The following ARHGEF9 variants were observed in gnomAD, a reference collection of about 807,000 sequenced individuals.
The protein encoded by ARHGEF9 is Cdc42 guanine nucleotide exchange factor 9.
In ARHGEF9, 2 loss-of-function variants were observed where a neutral mutation model predicts 41.3. The observed-to-expected ratio is 0.05, with a 90% CI of 0.02 to 0.15. The LOEUF (loss-of-function observed/expected upper bound fraction) is 0.15, where lower values mean the gene tolerates loss of function less well. Among genes scored for constraint, ARHGEF9 ranks in the 10% least tolerant of loss-of-function variants. The probability of loss-of-function intolerance (pLI) is 1.00; values close to 1 mark genes in which losing one functional copy is unlikely to be tolerated. For synonymous variants in ARHGEF9, 160 were observed against 154.4 expected, an observed-to-expected ratio of 1.04 and a Z score of -0.27; for missense variants, 225 against 424.7, an observed-to-expected ratio of 0.53 and a Z score of 4.13.
At chrX:63,649,629 C>T (rs1487974648) in intron 8 of ARHGEF9, among the ~76,000 whole-genome samples, 2 of 110,927 alleles carry the variant, frequency 1.8e-5, no homozygotes, top group Non-Finnish European at 3.8e-5. Flanking sequence ...AAAAACCCTT[C>T]AAAAAATCAA....
At chrX:63,783,615 C>T (rs1442842856) in intron 1 of ARHGEF9, among the ~76,000 whole-genome samples, 2 of 111,613 alleles carry the variant, frequency 1.8e-5, no homozygotes, top group Non-Finnish European at 3.8e-5. Context: ...AAGATCATGA[C>T]TATGTTCCTT....
intron 1 of ARHGEF9, among the ~76,000 whole-genome samples, chrX:63,738,562 C>T (rs1224055239): frequency 7.2e-5 from 8 of 110,615 alleles, no homozygotes; most frequent in African/African-American, 2.6e-4. Flanking sequence ...TCCTGAAGCA[C>T]CGCATTCCCC....
chrX:63,784,641 G>A (rs2056432187), intron 1 of ARHGEF9, among the ~76,000 whole-genome samples: 2 of 111,762 alleles, frequency 1.8e-5, no homozygotes, highest in Admixed American at 9.4e-5. Context: ...GAAAGGAGTT[G>A]CAGAAAATCT....
At chrX:63,647,075 G>A (rs1280513123) in intron 8 of ARHGEF9, among the ~76,000 whole-genome samples, 1 of 111,810 alleles carries the variant, frequency 8.9e-6, no homozygotes, top group Non-Finnish European at 1.9e-5. Context: ...TTTGCACATT[G>A]ATTTTGTATC....
chrX:63,650,665 A>C (rs1282608878), intron 8 of ARHGEF9, among the ~76,000 whole-genome samples: 1 of 111,324 alleles, frequency 9.0e-6, no homozygotes, highest in Non-Finnish European at 1.9e-5. Context: ...TTCCCAACAC[A>C]AAGAAAAGAT....
chrX:63,696,827 TGCAATCAACAACA>T (rs781899534), intron 4 of ARHGEF9, among the ~76,000 whole-genome samples: 236 of 111,981 alleles, frequency 2.1e-3, no homozygotes, highest in African/African-American at 7.5e-3. Flanking sequence ...GACACTGCCA[TGCAATCAACAACA>T]GCCTTGTATG....
intron 9 of ARHGEF9, chrX:63,638,488 T>C: frequency 2.5e-6 from 1 of 403,605 alleles, no homozygotes; most frequent in Non-Finnish European, 4.3e-6. Flanking sequence ...CACTGATATC[T>C]GAAAAGAAAT....
chrX:63,773,893 C>T (rs1240210277), intron 1 of ARHGEF9, among the ~76,000 whole-genome samples: 1 of 110,401 alleles, frequency 9.1e-6, no homozygotes, highest in Non-Finnish European at 1.9e-5. Flanking sequence ...AGTCTGATGG[C>T]TTTCAGACTG....
chrX:63,662,999 A>T (rs782488748), intron 7 of ARHGEF9, among the ~76,000 whole-genome samples: 1 of 111,952 alleles, frequency 8.9e-6, no homozygotes, highest in East Asian at 2.8e-4. Context: ...TTTAAATAAC[A>T]TCATACTTAA....
chrX:63,724,962 T>C (rs1263197791), intron 1 of ARHGEF9: 3 of 385,334 alleles, frequency 7.8e-6, no homozygotes, highest in Non-Finnish European at 1.4e-5. Context: ...ATGCTTTTTA[T>C]CCCTAATCAT....
chrX:63,771,573 C>CTT (rs200806219), intron 1 of ARHGEF9, among the ~76,000 whole-genome samples: 4 of 105,980 alleles, frequency 3.8e-5, no homozygotes, highest in African/African-American at 1.4e-4. Flanking sequence ...AGTTGAAGAA[C>CTT]TTTTTTTTTT....
chrX:63,664,280 C>G (rs2049388412), intron 7 of ARHGEF9, among the ~76,000 whole-genome samples: 1 of 112,384 alleles, frequency 8.9e-6, no homozygotes, highest in African/African-American at 3.2e-5. Flanking sequence ...TTCCTGGCTT[C>G]TGACTCACTG....
chrX:63,657,576 T>C (rs1556337686), intron 7 of ARHGEF9: 1 of 111,941 alleles, frequency 8.9e-6, no homozygotes, highest in East Asian at 2.8e-4. Context: ...CTATTGGTTG[T>C]CCCCAGGATC....
chrX:63,730,729 T>C (rs2054232966), intron 1 of ARHGEF9, among the ~76,000 whole-genome samples: 1 of 111,752 alleles, frequency 8.9e-6, no homozygotes, highest in Admixed American at 9.4e-5. Context: ...TCTTCACAGA[T>C]TTCCCCATGC....
At chrX:63,682,843 A>T (rs1167366623) in intron 4 of ARHGEF9, among the ~76,000 whole-genome samples, 2 of 112,019 alleles carry the variant, frequency 1.8e-5, no homozygotes, top group Non-Finnish European at 3.8e-5. Flanking sequence ...CCTCAGCATA[A>T]GAAAGGCCAT....
At chrX:63,784,693 C>T (rs1273881142) in intron 1 of ARHGEF9, among the ~76,000 whole-genome samples, 4 of 110,954 alleles carry the variant, frequency 3.6e-5, no homozygotes, top group Non-Finnish European at 7.6e-5. Flanking sequence ...CCCATAAGGC[C>T]CCCTCCACAA....
intron 1 of ARHGEF9, among the ~76,000 whole-genome samples, chrX:63,758,489 A>G (rs2055974020): frequency 8.9e-6 from 1 of 112,961 alleles, no homozygotes; most frequent in Non-Finnish European, 1.9e-5. Flanking sequence ...CATTTAAGGC[A>G]AATTCTGTAG....
chrX:63,704,855 T>C (rs1332290619), intron 3 of ARHGEF9, among the ~76,000 whole-genome samples: 1 of 111,958 alleles, frequency 8.9e-6, no homozygotes, highest in East Asian at 2.8e-4. Flanking sequence ...ATCTGCCTCA[T>C]GGCAGGGCAG....
At chrX:63,779,634 G>T (rs1429096557) in intron 1 of ARHGEF9, among the ~76,000 whole-genome samples, 1 of 111,753 alleles carries the variant, frequency 8.9e-6, no homozygotes, top group Non-Finnish European at 1.9e-5. Context: ...TTCACAAAAA[G>T]ACTGTCACTA....
Sources: gnomAD v4.1 joint callset for allele counts (sites outside exome capture counted in the v4.1 genomes callset) on GRCh38, gnomAD v4.1.1 for gene constraint, MANE v1.5 for transcripts, NCBI Gene and HGNC (gene_info 2026-07-23, HGNC 2026-07-21) for gene names.